Variants in GABRA3 observed in about 807,000 individuals in gnomAD.
GABRA3 encodes gamma-aminobutyric acid type A receptor subunit alpha3.
A neutral mutation model predicts 30.1 loss-of-function variants in GABRA3; 10 were observed. That is an observed-to-expected ratio of 0.33 (90% CI 0.20 to 0.56). The LOEUF is 0.56. Ranked by LOEUF, GABRA3 falls within the 20% of genes least tolerant of loss-of-function variation. The pLI is 0.89. For missense variants in GABRA3, 233 were observed against 392.0 expected, an observed-to-expected ratio of 0.59 and a Z score of 3.42; for synonymous variants, 151 against 146.8, an observed-to-expected ratio of 1.03 and a Z score of -0.21.
chrX:152,346,075 G>A (rs962694747), intron 2 of GABRA3, among the ~76,000 whole-genome samples: 2 of 111,501 alleles, frequency 1.8e-5, no homozygotes, highest in Non-Finnish European at 3.8e-5. Context: ...AATAAAGAAG[G>A]GAAATGTTAC....
intron 5 of GABRA3, among the ~76,000 whole-genome samples, chrX:152,233,557 G>A: frequency 9.1e-6 from 1 of 110,205 alleles, no homozygotes; most frequent in Non-Finnish European, 1.9e-5. Context: ...ATGGGTACTG[G>A]AGAGGATGTG....
At chrX:152,185,180 A>G (rs1467728391) in intron 9 of GABRA3, among the ~76,000 whole-genome samples, 1 of 111,022 alleles carries the variant, frequency 9.0e-6, no homozygotes, top group African/African-American at 3.3e-5. Context: ...TTTTCTGTTG[A>G]TCTCACTATT....
chrX:152,174,559 T>C (rs1490763932), intron 9 of GABRA3, among the ~76,000 whole-genome samples: 1 of 112,566 alleles, frequency 8.9e-6, no homozygotes, highest in Non-Finnish European at 1.9e-5. Flanking sequence ...GAGCATTTTT[T>C]CATGTGTCTT....
intron 7 of GABRA3, among the ~76,000 whole-genome samples, chrX:152,203,216 A>G (rs992008151): frequency 8.9e-5 from 10 of 112,047 alleles, no homozygotes; most frequent in African/African-American, 2.6e-4. Flanking sequence ...CCCTACTTCC[A>G]TAGGCACAAT....
At chrX:152,324,213 T>C (rs1353385617) in intron 3 of GABRA3, among the ~76,000 whole-genome samples, 2 of 112,237 alleles carry the variant, frequency 1.8e-5, no homozygotes, top group East Asian at 5.6e-4. Flanking sequence ...TATCAATAGC[T>C]TGGGAAGATA....
intron 5 of GABRA3, among the ~76,000 whole-genome samples, chrX:152,254,116 A>C (rs2124412752): frequency 9.0e-6 from 1 of 111,556 alleles, no homozygotes; most frequent in South Asian, 3.8e-4. Context: ...GCATTTCCAG[A>C]ATTTACTTTA....
intron 3 of GABRA3, among the ~76,000 whole-genome samples, chrX:152,302,896 G>A (rs1388869530): frequency 4.5e-5 from 5 of 111,625 alleles, no homozygotes; most frequent in African/African-American, 1.6e-4. Flanking sequence ...CCATGTTGCT[G>A]CAAAGGACAT....
chrX:152,272,666 G>T (rs1938966958), intron 4 of GABRA3, among the ~76,000 whole-genome samples: 1 of 111,552 alleles, frequency 9.0e-6, no homozygotes, highest in African/African-American at 3.3e-5. Flanking sequence ...AAATGATATG[G>T]TATGGCTGTG....
intron 1 of GABRA3, among the ~76,000 whole-genome samples, chrX:152,434,010 T>C (rs961747873): frequency 6.3e-5 from 7 of 111,989 alleles, no homozygotes; most frequent in African/African-American, 2.3e-4. Flanking sequence ...ATTAAATATA[T>C]TAAATGTATA....
At chrX:152,267,687 C>T (rs745987341) in intron 4 of GABRA3, among the ~76,000 whole-genome samples, 1 of 111,523 alleles carries the variant, frequency 9.0e-6, no homozygotes, top group African/African-American at 3.3e-5. Context: ...TCTCATCACT[C>T]ATTATTGGTT....
chrX:152,375,102 G>A (rs1010106448), intron 1 of GABRA3, among the ~76,000 whole-genome samples: 3 of 111,203 alleles, frequency 2.7e-5, no homozygotes, highest in East Asian at 2.8e-4. Flanking sequence ...AACTACCATC[G>A]ACATTCTTCA....
At chrX:152,422,506 G>A (rs923854457) in intron 1 of GABRA3, among the ~76,000 whole-genome samples, 5 of 109,962 alleles carry the variant, frequency 4.5e-5, no homozygotes, top group African/African-American at 6.6e-5. Flanking sequence ...AATTCATTGC[G>A]CTGTACAATT....
At chrX:152,334,461 G>A (rs1220772163) in intron 3 of GABRA3, among the ~76,000 whole-genome samples, 1 of 111,786 alleles carries the variant, frequency 8.9e-6, no homozygotes, top group Non-Finnish European at 1.9e-5. Context: ...ATTATCTAAT[G>A]AATCTACAAA....
chrX:152,279,817 G>GGTCC (rs935019742), intron 4 of GABRA3, among the ~76,000 whole-genome samples: 2 of 111,074 alleles, frequency 1.8e-5, no homozygotes, highest in Non-Finnish European at 3.8e-5. Flanking sequence ...TCCTTGAAGA[G>GGTCC]GTCCTTCACA....
At chrX:152,221,122 T>C (rs1284081047) in intron 6 of GABRA3, among the ~76,000 whole-genome samples, 1 of 111,728 alleles carries the variant, frequency 9.0e-6, no homozygotes, top group East Asian at 2.8e-4. Flanking sequence ...AGTCATTCTA[T>C]TTTACCTTTA....
chrX:152,411,025 G>A lies in GABRA3; in HGVS notation c.-27+40121C>T, dbSNP rs184306339. The stretch of plus-strand genomic sequence containing the variant: ...AGAAATAGAAATTATAAAAAGGAAC[G>A]AAGGATGCATGTGGTGACTCATGTC... On this transcript the variant is annotated intron_variant, in intron 1 of 9. Transcript: ENST00000370314. Among the ~76,000 whole-genome samples the A allele has an allele frequency of 1.3e-3, 149 of 111,816 alleles. 1 individual carries two copies. Among genetic ancestry groups the A allele is most frequent in the African/African-American group, 3.3e-3 (101 of 30,863 alleles).
intron 5 of GABRA3, among the ~76,000 whole-genome samples, chrX:152,247,624 A>G (rs187259141): frequency 1.4e-3 from 152 of 111,779 alleles, no homozygotes; most frequent in Non-Finnish European, 1.7e-3. Flanking sequence ...CAAGAAGTAT[A>G]TCAAGCAATT....
chrX:152,410,738 A>T (rs1930049876), intron 1 of GABRA3, among the ~76,000 whole-genome samples: 1 of 111,330 alleles, frequency 9.0e-6, no homozygotes, highest in Non-Finnish European at 1.9e-5. Flanking sequence ...ACACAGTATA[A>T]TATTCAAAAT....
At chrX:152,168,610 C>T (rs755874442) in intron 9 of GABRA3, 47 bp from the exon 10 acceptor site, 3 of 989,108 alleles carry the variant, frequency 3.0e-6, no homozygotes, top group Middle Eastern at 5.4e-4. Context: ...AAAAGCAAAG[C>T]TAATTAATTC....
Sources: gnomAD v4.1 joint callset for allele counts (sites outside exome capture counted in the v4.1 genomes callset) on GRCh38, gnomAD v4.1.1 for gene constraint, MANE v1.5 for transcripts, NCBI Gene and HGNC (gene_info 2026-07-23, HGNC 2026-07-21) for gene names.